PRKN: variants seen among roughly 807,000 people sequenced by gnomAD.
The protein encoded by PRKN is parkin RBR E3 ubiquitin protein ligase, also known as E3 ubiquitin-protein ligase parkin.
Under a neutral mutation model 59.5 loss-of-function variants are expected in PRKN, and 56 were observed. The ratio of observed to expected loss-of-function variants is 0.94; its 90% CI spans 0.76 to 1.18. The LOEUF (loss-of-function observed/expected upper bound fraction) is 1.18. Ranked by LOEUF, PRKN falls within the 50% of genes most tolerant of loss-of-function variation. The pLI, the probability that PRKN is intolerant of heterozygous loss-of-function variation, is 0.00. For synonymous variants in PRKN, 250 were observed against 222.1 expected, an observed-to-expected ratio of 1.13 and a Z score of -1.12; for missense variants, 657 against 596.4, an observed-to-expected ratio of 1.10 and a Z score of -1.06.
At chr6:161,571,129 G>C (rs150358666) in intron 7 of PRKN, among the ~76,000 whole-genome samples, 1 of 152,138 alleles carries the variant, frequency 6.6e-6, no homozygotes, top group African/African-American at 2.4e-5. Flanking sequence ...ATTTTTTGTA[G>C]AGATGGGGTC....
In PRKN at chr6:162,568,594, T is replaced by C. The variant is rs1780185182; in HGVS notation, c.8-125121A>G. The C allele has an allele frequency of 6.9e-6, 6 of 865,434 alleles. No individual in the cohort carries two copies. The East Asian group carries it at 1.2e-4, about 18-fold the overall frequency. 53.6% of individuals were successfully genotyped at this position (865,434 alleles called of 1,614,324 possible). On this transcript the variant is annotated intron_variant, in intron 1 of 11. Coordinates refer to ENST00000366898, the MANE Select transcript of PRKN (RefSeq NM_004562.3). ...GAGCAGGAGAAGGAGAAGGAGCAGA[T>C]CAGGACCCTCAACAACAAGTTTGCC...
At chr6:162,601,717 G>A (rs1781719796) in intron 1 of PRKN, among the ~76,000 whole-genome samples, 1 of 151,930 alleles carries the variant, frequency 6.6e-6, no homozygotes, top group Non-Finnish European at 1.5e-5. Flanking sequence ...TTTTATATAT[G>A]AGGAGTACAT....
chr6:161,935,891 T>C (rs1044841020), intron 6 of PRKN, among the ~76,000 whole-genome samples: 2 of 152,148 alleles, frequency 1.3e-5, no homozygotes, highest in African/African-American at 2.4e-5. Flanking sequence ...GCACAAACAA[T>C]AGCCAATGCC....
intron 1 of PRKN, among the ~76,000 whole-genome samples, chr6:162,606,667 G>A (rs571897619): frequency 6.6e-6 from 1 of 152,158 alleles, no homozygotes; most frequent in African/African-American, 2.4e-5. Flanking sequence ...ATATTGACAT[G>A]AGGAAGAGAG....
At chr6:161,869,592 C>T (rs924038683) in intron 6 of PRKN, among the ~76,000 whole-genome samples, 9 of 152,086 alleles carry the variant, frequency 5.9e-5, no homozygotes, top group East Asian at 1.9e-4. Flanking sequence ...CACATCACCC[C>T]GCTTCAACTC....
Position 162,648,031 on chromosome 6 carries a change from C to A in PRKN, c.7+79631G>T, listed in dbSNP as rs577484062. ...AGAAAAGTTCCTAAATATTCCCCCA[C>A]ATCACCCATTCCCAACTAATTACAG... is the stretch of plus-strand genomic sequence containing the variant. On this transcript the variant is annotated intron_variant, in intron 1 of 11. Transcript: ENST00000366898. 6.7e-5 allele frequency among the ~76,000 whole-genome samples: 10 copies of A among 149,668 alleles called. No individual in the cohort carries two copies. In the South Asian group the frequency reaches 2.1e-3, roughly 32 times the overall value.
chr6:162,029,095 G>A (rs1362070346), intron 5 of PRKN, among the ~76,000 whole-genome samples: 1 of 152,072 alleles, frequency 6.6e-6, no homozygotes, highest in Non-Finnish European at 1.5e-5. Context: ...CCTGTGGCAG[G>A]CCAGTTATTT....
intron 2 of PRKN, among the ~76,000 whole-genome samples, chr6:162,354,649 G>A (rs537563604): frequency 6.4e-4 from 97 of 152,028 alleles, no homozygotes; most frequent in African/African-American, 2.3e-3. Context: ...AAGCAATAAA[G>A]CATACATTTA....
chr6:162,293,141 T>A (rs1035599890), intron 2 of PRKN, among the ~76,000 whole-genome samples: 1 of 152,046 alleles, frequency 6.6e-6, no homozygotes, highest in African/African-American at 2.4e-5. Flanking sequence ...GAAAAGAAAA[T>A]TGATTCCACA....
rs567998246 is a variant in PRKN, at chr6:161,767,288, C to T, written c.871+18484G>A. 4.6e-5 allele frequency among the ~76,000 whole-genome samples: 7 copies of T among 152,144 alleles called. No individual in the cohort carries two copies. The South Asian group carries it at 1.3e-3, about 27-fold the overall frequency. ...CAGCACTTTGGGAGGCTGAGGCGGG[C>T]GGATCACTAGGTCAGGAGATCGAGA... On this transcript the variant is annotated intron_variant, in intron 7 of 11. Transcript: ENST00000366898.
At chr6:162,622,935 T>C (rs923274377) in intron 1 of PRKN, among the ~76,000 whole-genome samples, 1 of 152,092 alleles carries the variant, frequency 6.6e-6, no homozygotes, top group Admixed American at 6.5e-5. Context: ...CCTTTCCCAC[T>C]TTTCCCCAAT....
At chr6:162,211,971 T>C (rs1381696547) in intron 3 of PRKN, among the ~76,000 whole-genome samples, 1 of 152,092 alleles carries the variant, frequency 6.6e-6, no homozygotes, top group Non-Finnish European at 1.5e-5. Flanking sequence ...GGGGAAAACA[T>C]AGATTATTTT....
chr6:161,689,659 G>C (rs554326422), intron 7 of PRKN, among the ~76,000 whole-genome samples: 2 of 152,214 alleles, frequency 1.3e-5, no homozygotes, highest in East Asian at 3.9e-4. Flanking sequence ...TTCACGCCCA[G>C]CTTAATCATT....
At chr6:162,069,953 A>C (rs1163159792) in intron 4 of PRKN, among the ~76,000 whole-genome samples, 2 of 152,230 alleles carry the variant, frequency 1.3e-5, no homozygotes, top group Non-Finnish European at 2.9e-5. Flanking sequence ...AGTCTCCAAG[A>C]GACTATGATC....
At chr6:162,608,838 G>C (rs1782024721) in intron 1 of PRKN, among the ~76,000 whole-genome samples, 1 of 152,180 alleles carries the variant, frequency 6.6e-6, no homozygotes, top group African/African-American at 2.4e-5. Flanking sequence ...GGTCAGAAGA[G>C]AGTACACAGC....
intron 6 of PRKN, among the ~76,000 whole-genome samples, chr6:161,827,803 C>T (rs1272526878): frequency 2.0e-5 from 3 of 152,252 alleles, no homozygotes; most frequent in Non-Finnish European, 2.9e-5. Flanking sequence ...CCAGCACACC[C>T]GGCCCTTGAT....
intron 2 of PRKN, among the ~76,000 whole-genome samples, chr6:162,378,544 C>T (rs1786250519): frequency 6.6e-6 from 1 of 152,196 alleles, no homozygotes; most frequent in South Asian, 2.1e-4. Context: ...TATTTTAAGG[C>T]ATGATTATTC....
chr6:161,701,693 A>G (rs923489772), intron 7 of PRKN, among the ~76,000 whole-genome samples: 2 of 152,220 alleles, frequency 1.3e-5, no homozygotes, highest in African/African-American at 2.4e-5. Context: ...AAATACGTCC[A>G]AATTCTGTCC....
intron 6 of PRKN, among the ~76,000 whole-genome samples, chr6:161,873,755 C>G (rs1794443319): frequency 1.3e-5 from 2 of 151,034 alleles, no homozygotes; most frequent in Non-Finnish European, 2.9e-5. Context: ...CCCTATTTCC[C>G]CTACTATTAA....
Sources: allele counts gnomAD v4.1 joint callset (sites outside exome capture counted in the v4.1 genomes callset), GRCh38; gene constraint gnomAD v4.1.1; transcripts MANE v1.5; gene names NCBI Gene and HGNC (gene_info 2026-07-23, HGNC 2026-07-21).